Variants in SNTG1 observed in about 807,000 individuals in gnomAD.
SNTG1 encodes the protein syntrophin gamma 1.
A neutral mutation model predicts 74.7 loss-of-function variants in SNTG1; 39 were observed. The ratio of observed to expected loss-of-function variants is 0.52; its 90% CI spans 0.40 to 0.68. The LOEUF (loss-of-function observed/expected upper bound fraction) is 0.68. Ranked by LOEUF, SNTG1 falls within the 30% of genes least tolerant of loss-of-function variation. The pLI is 0.00. For missense variants in SNTG1, 685 were observed against 609.5 expected (o/e 1.12, Z -1.30); for synonymous variants, 254 against 217.1 (o/e 1.17, Z -1.49).
intron 2 of SNTG1, among the ~76,000 whole-genome samples, chr8:50,378,207 A>C (rs1453878422): frequency 6.6e-6 from 1 of 152,232 alleles, no homozygotes; most frequent in Non-Finnish European, 1.5e-5. Context: ...TGCTGGCATG[A>C]GCAACAGCTC....
chr8:50,247,735 A>T (rs921054366), intron 2 of SNTG1, among the ~76,000 whole-genome samples: 7 of 151,648 alleles, frequency 4.6e-5, no homozygotes, highest in African/African-American at 1.2e-4. Context: ...CGTTGCCCAG[A>T]CTGGTCTTGA....
chr8:50,055,468 T>C (rs1001841698), intron 1 of SNTG1, among the ~76,000 whole-genome samples: 4 of 152,116 alleles, frequency 2.6e-5, no homozygotes, highest in Non-Finnish European at 5.9e-5. Flanking sequence ...TTTCTTTAAA[T>C]TGAAGAAGTC....
intron 18 of SNTG1, among the ~76,000 whole-genome samples, chr8:50,761,643 C>G (rs774757445): frequency 8.7e-5 from 13 of 150,012 alleles, no homozygotes; most frequent in Non-Finnish European, 1.6e-4. Flanking sequence ...TTTTAATTAT[C>G]TTGTCTTATG....
At chr8:50,711,690 C>T (rs776399048) in intron 17 of SNTG1, among the ~76,000 whole-genome samples, 1 of 152,112 alleles carries the variant, frequency 6.6e-6, no homozygotes, top group African/African-American at 2.4e-5. Flanking sequence ...CCAGAGTAAA[C>T]GATTACCCTT....
chr8:50,503,566 C>T (rs2093981822), intron 9 of SNTG1, among the ~76,000 whole-genome samples: 1 of 152,188 alleles, frequency 6.6e-6, no homozygotes, highest in Non-Finnish European at 1.5e-5. Context: ...CACTTACACT[C>T]TCTTCTTCAT....
intron 1 of SNTG1, among the ~76,000 whole-genome samples, chr8:49,965,101 C>A (rs956565330): frequency 6.6e-6 from 1 of 152,122 alleles, no homozygotes; most frequent in Non-Finnish European, 1.5e-5. Context: ...TCTAGTATGA[C>A]GCTCTGGCAC....
At chr8:50,171,279 C>T (rs994994138) in intron 1 of SNTG1, among the ~76,000 whole-genome samples, 1 of 152,074 alleles carries the variant, frequency 6.6e-6, no homozygotes, top group Middle Eastern at 3.2e-3. Flanking sequence ...ATTATTAACT[C>T]ACACAATCAC....
chr8:50,554,395 A>C (rs1209467934), intron 12 of SNTG1, among the ~76,000 whole-genome samples: 1 of 152,026 alleles, frequency 6.6e-6, no homozygotes, highest in East Asian at 1.9e-4. Flanking sequence ...ATAATCTTCA[A>C]AACTCTGTGT....
At chr8:50,162,559 CAAAAAAA>C (rs34746562) in intron 1 of SNTG1, among the ~76,000 whole-genome samples, 2 of 83,972 alleles carry the variant, frequency 2.4e-5, no homozygotes, top group African/African-American at 9.1e-5. Flanking sequence ...GACTCTGTCT[CAAAAAAA>C]AAAAAAAAAA....
At position 50,796,655 on chromosome 8, in the gene SNTG1, A is replaced by G. The variant is rs1802824156; in HGVS notation, c.*3826A>G. 6.6e-6 allele frequency: 1 copy of G among 152,048 alleles called. No homozygotes were observed. The highest frequency in any genetic ancestry group is 2.4e-5 in the African/African-American group (1 of 41,446). The allele number at this position is 152,048 out of a possible 1,614,324, so 9.4% of individuals were successfully genotyped here. A position where few individuals can be genotyped will look rare whatever the true frequency, so the allele number is the denominator to read the frequency against. Reference sequence around the variant, plus strand: ...AATGAAACCATACTTTTTTAAATGAAGCATACTGGAAAATAAAAACAAATA... The same window carrying G: ...AATGAAACCATACTTTTTTAAATGAGGCATACTGGAAAATAAAAACAAATA... On this transcript the variant is annotated 3_prime_UTR_variant, in exon 19 of 19. Transcript: ENST00000642720.
chr8:50,063,488 T>C (rs150366030), intron 1 of SNTG1, among the ~76,000 whole-genome samples: 18 of 152,328 alleles, frequency 1.2e-4, no homozygotes, highest in African/African-American at 3.8e-4. Context: ...GCATTGCCAG[T>C]AGGATCAGGA....
chr8:50,504,582 A>G (rs1471865033), intron 9 of SNTG1, among the ~76,000 whole-genome samples: 1 of 152,146 alleles, frequency 6.6e-6, no homozygotes, highest in African/African-American at 2.4e-5. Flanking sequence ...ACCTAAGCTC[A>G]GGAGTTCAAG....
chr8:50,497,759 C>T (rs2093917017), intron 8 of SNTG1, among the ~76,000 whole-genome samples: 1 of 152,048 alleles, frequency 6.6e-6, no homozygotes, highest in African/African-American at 2.4e-5. Context: ...ATCTGTCCTT[C>T]TGCCTCTTCT....
chr8:50,202,635 G>C (rs1293771332), intron 2 of SNTG1, among the ~76,000 whole-genome samples: 2 of 152,076 alleles, frequency 1.3e-5, no homozygotes, highest in Non-Finnish European at 1.5e-5. Context: ...TTTGGCAGCA[G>C]AGAATAAGTT....
In SNTG1 at chr8:50,795,199, A is replaced by C. The variant is rs1383397137; in HGVS notation, c.*2370A>C. The C allele has an allele frequency of 1.3e-5, 2 of 152,022 alleles. No individual in the cohort carries two copies. The highest frequency in any genetic ancestry group is 2.9e-5 in the Non-Finnish European group (2 of 67,970). The allele number at this position is 152,022 out of a possible 1,614,324, so 9.4% of individuals were successfully genotyped here. Reference sequence around the variant, plus strand: ...AAAAACTTATGACAATACCATTATGAATATTTTTGATACTATTGATAAAAA... The same window carrying C: ...AAAAACTTATGACAATACCATTATGCATATTTTTGATACTATTGATAAAAA... On this transcript the variant is annotated 3_prime_UTR_variant, in exon 19 of 19. Transcript: ENST00000642720.
At chr8:50,696,973 T>C (rs934973170) in intron 15 of SNTG1, among the ~76,000 whole-genome samples, 4 of 152,170 alleles carry the variant, frequency 2.6e-5, no homozygotes, top group African/African-American at 9.7e-5. Flanking sequence ...TTTTCTAATC[T>C]GTGAAATATG....
chr8:50,735,733 C>A (rs996742432), intron 17 of SNTG1, among the ~76,000 whole-genome samples: 6 of 151,956 alleles, frequency 3.9e-5, no homozygotes, highest in Non-Finnish European at 8.8e-5. Flanking sequence ...CCCAACCTAG[C>A]AAGATAGGCC....
At chr8:50,747,129 TA>T (rs907943109) in intron 17 of SNTG1, among the ~76,000 whole-genome samples, 135 of 151,866 alleles carry the variant, frequency 8.9e-4, no homozygotes, top group African/African-American at 3.2e-3. Flanking sequence ...ATAAAACTAT[TA>T]GCTCCAGATT....
chr8:50,424,489 T>C lies in SNTG1; in HGVS notation c.163-14054T>C, dbSNP rs550299825. ...TGACGAAAGTCACTAGTAAACACAC[T>C]GAAGAAGTCAATTTTAAAAAGGAAG... On this transcript the variant is annotated intron_variant, in intron 4 of 18. Transcript: ENST00000642720. Among the ~76,000 whole-genome samples the C allele has an allele frequency of 7.2e-5, 11 of 152,226 alleles. No homozygotes were observed. In the East Asian group the frequency reaches 1.9e-3, roughly 27 times the overall value.
Sources: allele counts gnomAD v4.1 joint callset (sites outside exome capture counted in the v4.1 genomes callset), GRCh38; gene constraint gnomAD v4.1.1; transcripts MANE v1.5; gene names NCBI Gene and HGNC (gene_info 2026-07-23, HGNC 2026-07-21).